SLC25A13: variants seen among roughly 807,000 people sequenced by gnomAD.
SLC25A13 encodes solute carrier family 25 member 13, also known as electrogenic aspartate/glutamate antiporter SLC25A13, mitochondrial.
A neutral mutation model predicts 85.5 loss-of-function variants in SLC25A13; 70 were observed. The ratio of observed to expected loss-of-function variants is 0.82; its 90% CI spans 0.68 to 1.00. The LOEUF is 1.00. Among genes scored for constraint, SLC25A13 ranks in the 50% least tolerant of loss-of-function variants. SLC25A13 has a pLI of 0.00. For synonymous variants in SLC25A13, 259 were observed against 288.7 expected (o/e 0.90, Z 1.04); for missense variants, 765 against 819.8 (o/e 0.93, Z 0.82).
chr7:96,196,327 G>A (rs544919413), intron 5 of SLC25A13, among the ~76,000 whole-genome samples: 2 of 152,312 alleles, frequency 1.3e-5, no homozygotes, highest in East Asian at 3.9e-4. Flanking sequence ...TATGTTCAGC[G>A]ATTTACCATT....
In SLC25A13 at chr7:96,189,353, G is replaced by A. The variant is rs142308242; in HGVS notation, c.874C>T (p.Arg292Trp). Residue 292 changes from arginine to tryptophan, a missense_variant, in exon 9 of 18, where the codon CGG becomes TGG. Physicochemically the swap from Arg to Trp is moderately radical, Grantham distance 101 (BLOSUM62 -3). Coordinates refer to ENST00000265631, the MANE Select transcript of SLC25A13 (RefSeq NM_014251.3). ...RGRMTLADIE[R>W]IAPLEEGTLP... is the part of the protein sequence containing the mutation. ...GTTCCCTCTTCCAGAGGAGCAATCC[G>A]TTCAATGTCTGCTAAGGTCATACGT... The A allele has an allele frequency of 1.1e-5, 18 of 1,613,982 alleles. No homozygotes were observed. The highest frequency in any genetic ancestry group is 7.7e-5 in the South Asian group (7 of 91,088).
intron 3 of SLC25A13, among the ~76,000 whole-genome samples, chr7:96,261,823 T>A (rs542386886): frequency 2.0e-5 from 3 of 152,184 alleles, no homozygotes; most frequent in Non-Finnish European, 4.4e-5. Flanking sequence ...GGCACTGACA[T>A]TGAGGGCTTT....
intron 2 of SLC25A13, among the ~76,000 whole-genome samples, chr7:96,280,758 C>T (rs1798647497): frequency 2.0e-5 from 3 of 151,960 alleles, no homozygotes; most frequent in East Asian, 1.9e-4. Context: ...CATGCCATAC[C>T]CCCAAGATAA....
At chr7:96,154,714 T>C (rs1428521727) in intron 13 of SLC25A13, among the ~76,000 whole-genome samples, 2 of 152,174 alleles carry the variant, frequency 1.3e-5, no homozygotes, top group East Asian at 1.9e-4. Context: ...GGTAACATCC[T>C]AATGAGTAAT....
rs1369642258 is a variant in SLC25A13, at chr7:96,199,758, ACTG to A, written c.469-6578_469-6576del. Among the ~76,000 whole-genome samples the A allele has an allele frequency of 2.6e-5, 4 of 151,944 alleles. No individual in the cohort carries two copies. In the East Asian group the frequency reaches 7.7e-4, roughly 29 times the overall value. The stretch of plus-strand genomic sequence containing the variant: ...CAACTACTTCAACACACCCATTCAG[ACTG>A]CTGTAGAAAAAAAAAATCAAACTCT... On this transcript the variant is annotated intron_variant, in intron 5 of 17. Transcript: ENST00000265631.
chr7:96,122,562 G>C (rs73401077), intron 15 of SLC25A13, among the ~76,000 whole-genome samples: 1,639 of 152,216 alleles, frequency 0.011, 32 homozygotes, highest in African/African-American at 0.037. Flanking sequence ...ATGTGTGTTG[G>C]GGGGTGGGAG....
intron 2 of SLC25A13, 140 bp from the exon 3 acceptor site, chr7:96,277,478 T>C: frequency 2.5e-6 from 2 of 792,746 alleles, no homozygotes; most frequent in Non-Finnish European, 3.9e-6. Context: ...TAATGACCAT[T>C]ATCTCCCAAC....
chr7:96,234,825 G>A lies in SLC25A13; in HGVS notation c.305C>T (p.Ala102Val). 1.9e-6 allele frequency: 3 copies of A among 1,613,324 alleles called. No individual in the cohort carries two copies. Among genetic ancestry groups the A allele is most frequent in the Non-Finnish European group, 2.5e-6 (3 of 1,179,766 alleles). Residue 102 changes from alanine (A) to valine (V), a missense_variant, in exon 4 of 18, where the codon GCT becomes GTT. Coordinates refer to ENST00000265631, the MANE Select transcript of SLC25A13 (RefSeq NM_014251.3). ...ACCAAAAGTTACTTCTCCTTTGCCA[G>A]CTTTGTCAAACAGCTGAAAGGCTAC... ...FMVAFQLFDK[A>V]GKGEVTFEDV...
At chr7:96,321,127 G>A (rs1465802768) in intron 1 of SLC25A13, among the ~76,000 whole-genome samples, 1 of 152,208 alleles carries the variant, frequency 6.6e-6, no homozygotes, top group East Asian at 1.9e-4. Context: ...AGACTGAAAT[G>A]GTGTCCAGGT....
chr7:96,288,305 G>A (rs868864073), intron 2 of SLC25A13, among the ~76,000 whole-genome samples: 3 of 152,162 alleles, frequency 2.0e-5, no homozygotes, highest in Middle Eastern at 3.2e-3. Flanking sequence ...CAAGATGGCC[G>A]AATAGGAACA....
chr7:96,276,074 T>C (rs912071853), intron 3 of SLC25A13, among the ~76,000 whole-genome samples: 4 of 152,304 alleles, frequency 2.6e-5, no homozygotes, highest in African/African-American at 4.8e-5. Flanking sequence ...CTCAGAGTGA[T>C]AGGTAACTGC....
At chr7:96,209,187 G>C (rs1325747592) in intron 4 of SLC25A13, among the ~76,000 whole-genome samples, 1 of 151,986 alleles carries the variant, frequency 6.6e-6, no homozygotes, top group African/African-American at 2.4e-5. Context: ...ATAAAATAAA[G>C]GGGGGGAAAA....
chr7:96,151,022 C>G (rs1267458883), intron 13 of SLC25A13, among the ~76,000 whole-genome samples: 1 of 151,996 alleles, frequency 6.6e-6, no homozygotes, highest in Non-Finnish European at 1.5e-5. Context: ...CAAAGGAGGG[C>G]AAGAGCTCTC....
intron 5 of SLC25A13, among the ~76,000 whole-genome samples, chr7:96,196,761 G>A (rs1452918634): frequency 6.6e-6 from 1 of 152,176 alleles, no homozygotes; most frequent in African/African-American, 2.4e-5. Context: ...GTGAAAACAC[G>A]CAGTTAGGTG....
At chr7:96,266,988 G>C (rs530133654) in intron 3 of SLC25A13, among the ~76,000 whole-genome samples, 1 of 152,090 alleles carries the variant, frequency 6.6e-6, no homozygotes, top group South Asian at 2.1e-4. Context: ...AGATGCTTTC[G>C]CCAAATTCTA....
chr7:96,295,310 T>C (rs7458218), intron 2 of SLC25A13, among the ~76,000 whole-genome samples: 84,173 of 152,028 alleles, frequency 0.55, 25,256 homozygotes, highest in Non-Finnish European at 0.67. Flanking sequence ...GAAAGCGCCA[T>C]TGCACTCCAG....
intron 14 of SLC25A13, among the ~76,000 whole-genome samples, chr7:96,142,793 C>T (rs1326735579): frequency 6.6e-6 from 1 of 152,084 alleles, no homozygotes; most frequent in African/African-American, 2.4e-5. Flanking sequence ...AAAAATCAAT[C>T]TCTCTTTGAG....
chr7:96,121,029 A>T lies in SLC25A13; in HGVS notation c.*162T>A, dbSNP rs995776837. On this transcript the variant is annotated 3_prime_UTR_variant, in exon 18 of 18. Coordinates refer to ENST00000265631, the MANE Select transcript of SLC25A13 (RefSeq NM_014251.3). ...ATAATTTCACAATGATCTGGTTAAGAAAACACCCAGAAAATGAATGATTTC... is the reference window on the plus strand; with the variant it reads ...ATAATTTCACAATGATCTGGTTAAGTAAACACCCAGAAAATGAATGATTTC... The T allele has an allele frequency of 9.6e-6, 8 of 830,290 alleles. No homozygotes were observed. Among genetic ancestry groups the T allele is most frequent in the Non-Finnish European group, 1.4e-5 (7 of 501,356 alleles). The allele number at this position is 830,290 out of a possible 1,614,324, so 51.4% of individuals were successfully genotyped here. A position where few individuals can be genotyped will look rare whatever the true frequency, so the allele number is the denominator to read the frequency against.
intron 14 of SLC25A13, among the ~76,000 whole-genome samples, chr7:96,137,878 ACT>A (rs1792351164): frequency 6.6e-6 from 1 of 151,990 alleles, no homozygotes; most frequent in East Asian, 1.9e-4. Context: ...CCGCCTCAGC[ACT>A]CTCTGCTGTG....
Sources: gnomAD v4.1 joint callset for allele counts (sites outside exome capture counted in the v4.1 genomes callset) on GRCh38, gnomAD v4.1.1 for gene constraint, MANE v1.5 for transcripts, NCBI Gene and HGNC (gene_info 2026-07-23, HGNC 2026-07-21) for gene names.